ELFN2: variants seen among roughly 807,000 people sequenced by gnomAD.
ELFN2 encodes extracellular leucine rich repeat and fibronectin type III domain containing 2.
ELFN2 carries 17 observed loss-of-function variants against 45.5 expected under a neutral mutation model. The ratio of observed to expected loss-of-function variants is 0.37; its 90% CI spans 0.26 to 0.56. The LOEUF is 0.56. Among genes scored for constraint, ELFN2 ranks in the 20% least tolerant of loss-of-function variants. The probability of loss-of-function intolerance (pLI) is 0.77; values close to 1 mark genes in which losing one functional copy is unlikely to be tolerated. For missense variants in ELFN2, 922 were observed against 1,183.2 expected (o/e 0.78, Z 3.24); for synonymous variants, 550 against 551.5 (o/e 1.00, Z 0.04).
rs188606540 is a variant in ELFN2, at chr22:37,369,513, G to T, written c.*3559C>A. 4 of 152,268 alleles carry T rather than the reference G, an allele frequency of 2.6e-5. No homozygotes were observed. Among genetic ancestry groups the T allele is most frequent in the African/African-American group, 7.2e-5 (3 of 41,538 alleles). The allele number at this position is 152,268 out of a possible 1,614,324, so 9.4% of individuals were successfully genotyped here. On this transcript the variant is annotated 3_prime_UTR_variant, in exon 3 of 3. Coordinates refer to ENST00000402918, the MANE Select transcript of ELFN2 (RefSeq NM_052906.5). ...TGGGCAGAGAGAGACTCTTCCTGCCGCGGGGAAAAGCAAGGCCGGGACCCG... is the reference window on the plus strand; with the variant it reads ...TGGGCAGAGAGAGACTCTTCCTGCCTCGGGGAAAAGCAAGGCCGGGACCCG...
rs529899777 is a variant in ELFN2 at position 37,374,151 on chromosome 22, G to A, written c.1384C>T (p.Pro462Ser). Residue 462 changes from proline (P) to serine (S), a missense_variant, in exon 3 of 3, where the codon CCT becomes TCT. Physicochemically the swap from Pro to Ser is moderately conservative, Grantham distance 74 (BLOSUM62 -1). Around this residue, in one of 2 missense-constraint regions of ELFN2, gnomAD observed 564 missense variants for 642.8 expected, o/e 0.88. Coordinates refer to ENST00000402918, the MANE Select transcript of ELFN2 (RefSeq NM_052906.5). ...ATGCGAGATACGGGCAGCACGGGAG[G>A]CTCGCCCAGCTTCTGGGCGGCGTGC... ...IVHAAQKLGE[P>S]PVLPVSRMAS... 9 of 1,612,962 alleles carry A rather than the reference G, an allele frequency of 5.6e-6. No individual in the cohort carries two copies. The East Asian group carries it at 1.8e-4, about 32-fold the overall frequency.
chr22:37,400,506 C>T (rs773527237), intron 2 of ELFN2, among the ~76,000 whole-genome samples: 6 of 152,346 alleles, frequency 3.9e-5, no homozygotes, highest in Middle Eastern at 3.4e-3. Context: ...TACCAAGAAT[C>T]ACAGCCTGGC....
chr22:37,379,590 G>T (rs965459193), intron 2 of ELFN2, among the ~76,000 whole-genome samples: 3 of 152,204 alleles, frequency 2.0e-5, no homozygotes, highest in Non-Finnish European at 4.4e-5. Context: ...GCACAGCCAG[G>T]GTGCATGCTG....
At chr22:37,361,551 T>C (rs1931087105) in intron 1 of ELFN2, among the ~76,000 whole-genome samples, 1 of 151,908 alleles carries the variant, frequency 6.6e-6, no homozygotes, top group African/African-American at 2.4e-5. Context: ...GCAAAACCAC[T>C]TCCTCTCCCT....
At chr22:37,404,154 T>C (rs1158027243) in intron 2 of ELFN2, among the ~76,000 whole-genome samples, 1 of 152,158 alleles carries the variant, frequency 6.6e-6, no homozygotes, top group Non-Finnish European at 1.5e-5. Context: ...GCCAACTCCT[T>C]GCAGATCTCA....
chr22:37,375,074 A>G lies in ELFN2; in HGVS notation c.461T>C (p.Ile154Thr), dbSNP rs748659623. The G allele has an allele frequency of 2.2e-5, 36 of 1,613,540 alleles. No individual in the cohort carries two copies. Among genetic ancestry groups the G allele is most frequent in the Non-Finnish European group, 2.9e-5 (34 of 1,180,024 alleles). ...PTAFSECPSLISIDLSSNRLS... is the reference protein window; with the variant it reads ...PTAFSECPSLTSIDLSSNRLS... ...GCGGTTGGAGGACAGGTCGATGCTG[A>G]TGAGGCTCGGGCACTCGGAGAAGGC... Residue 154 changes from isoleucine to threonine, a missense_variant, in exon 3 of 3, where the codon ATC becomes ACC. This residue lies in a region of ELFN2 where 358 missense variants were observed against 540.4 expected (regional missense o/e 0.66). Transcript: ENST00000402918.
At chr22:37,422,647 G>A (rs1031937938) in intron 1 of ELFN2, among the ~76,000 whole-genome samples, 1 of 152,148 alleles carries the variant, frequency 6.6e-6, no homozygotes, top group Non-Finnish European at 1.5e-5. Context: ...AGGCTGGAGT[G>A]CAGTAGCACA....
At chr22:37,357,982 G>T (rs558345183) in intron 1 of ELFN2, among the ~76,000 whole-genome samples, 9 of 152,130 alleles carry the variant, frequency 5.9e-5, no homozygotes, top group Non-Finnish European at 1.2e-4. Context: ...AGGAGAAAAA[G>T]CCCCATTTTC....
intron 2 of ELFN2, among the ~76,000 whole-genome samples, chr22:37,405,981 T>C (rs1932491795): frequency 6.6e-6 from 1 of 151,274 alleles, no homozygotes; most frequent in South Asian, 2.1e-4. Flanking sequence ...CACAAAAAAG[T>C]TTTTTAAAAA....
chr22:37,400,180 CA>C (rs1303230100), intron 2 of ELFN2, among the ~76,000 whole-genome samples: 2 of 152,154 alleles, frequency 1.3e-5, no homozygotes, highest in Non-Finnish European at 2.9e-5. Flanking sequence ...GGGCCTCAAC[CA>C]CCCTCCACTC....
chr22:37,416,084 CATCTCCATTTTACAGAGGGGG>C (rs1390225970), intron 2 of ELFN2, among the ~76,000 whole-genome samples: 2 of 152,248 alleles, frequency 1.3e-5, no homozygotes, highest in Admixed American at 1.3e-4. Context: ...GCATGTGCCT[CATCTCCATTTTACAGAGGGGG>C]AAACTGAGGC....
chr22:37,423,983 G>A (rs1932829711), intron 1 of ELFN2, among the ~76,000 whole-genome samples: 1 of 152,156 alleles, frequency 6.6e-6, no homozygotes, highest in Non-Finnish European at 1.5e-5. Context: ...AGAGGACTGG[G>A]TAAACCTTCT....
intron 2 of ELFN2, among the ~76,000 whole-genome samples, chr22:37,401,541 G>A (rs1272519285): frequency 6.6e-6 from 1 of 152,180 alleles, no homozygotes; most frequent in African/African-American, 2.4e-5. Flanking sequence ...GGAGGAGGCC[G>A]CAGCCAGGGT....
At chr22:37,344,038 C>T (rs1930629619) in intron 1 of ELFN2, among the ~76,000 whole-genome samples, 1 of 146,178 alleles carries the variant, frequency 6.8e-6, no homozygotes, top group African/African-American at 2.5e-5. Flanking sequence ...CCCACGCCCA[C>T]CTGCCCATGC....
chr22:37,373,561 C>T lies in ELFN2; in HGVS notation c.1974G>A (p.Lys658=). ...PDHPAATGLA[K]GDSKYIEKGS... ...CCTTCTCGATGTACTTGGAGTCGCC[C>T]TTAGCCAGCCCTGTGGCGGCCGGAT... The change falls in exon 3 of 3, where the codon AAG becomes AAA. Residue 658 remains lysine (K), a synonymous_variant. Coordinates refer to ENST00000402918, the MANE Select transcript of ELFN2 (RefSeq NM_052906.5). 2 of 1,602,496 alleles carry T rather than the reference C, an allele frequency of 1.2e-6. No individual in the cohort carries two copies. Among genetic ancestry groups the T allele is most frequent in the Non-Finnish European group, 1.7e-6 (2 of 1,175,898 alleles).
At chr22:37,395,790 T>C (rs901631856) in intron 2 of ELFN2, among the ~76,000 whole-genome samples, 1 of 151,710 alleles carries the variant, frequency 6.6e-6, no homozygotes, top group East Asian at 1.9e-4. Context: ...GCAAAACTAG[T>C]GTCTGGCGTG....
intron 2 of ELFN2, chr22:37,384,903 T>G (rs944237204): frequency 6.6e-6 from 1 of 152,090 alleles, no homozygotes; most frequent in East Asian, 1.9e-4. Flanking sequence ...CGGCTGCCTC[T>G]GCCTGCATGG....
In ELFN2 at chr22:37,373,542, C is replaced by G. The variant is rs563093626; in HGVS notation, c.1993G>C (p.Glu665Gln). ...GGGCTGTTGAGGGGGCTGCCCTTCT[C>G]GATGTACTTGGAGTCGCCCTTAGCC... ...GLAKGDSKYI[E>Q]KGSPLNSPLD... The change falls in exon 3 of 3, where the codon GAG (glutamate) becomes CAG (glutamine). Residue 665 changes from glutamate (E) to glutamine (Q), a missense_variant. By Grantham distance (29) the Glu-to-Gln change is conservative (BLOSUM62 2). This residue lies in a region of ELFN2 where 564 missense variants were observed against 642.8 expected (regional missense o/e 0.88). Coordinates refer to ENST00000402918, the MANE Select transcript of ELFN2 (RefSeq NM_052906.5). 2.5e-6 allele frequency: 4 copies of G among 1,588,838 alleles called. No individual in the cohort carries two copies. The South Asian group carries it at 4.5e-5, about 18-fold the overall frequency.
intron 2 of ELFN2, among the ~76,000 whole-genome samples, chr22:37,414,559 G>A (rs569600387): frequency 3.4e-4 from 52 of 152,264 alleles, no homozygotes; most frequent in African/African-American, 1.2e-3. Context: ...ACCAGGTTGC[G>A]ATGCAGCTTG....
Sources: gnomAD v4.1 joint callset for allele counts (sites outside exome capture counted in the v4.1 genomes callset) on GRCh38, gnomAD v4.1.1 for gene constraint, gnomAD v4.1.1 regional missense constraint, MANE v1.5 for transcripts, NCBI Gene and HGNC (gene_info 2026-07-23, HGNC 2026-07-21) for gene names.